The following DGKB variants were observed in gnomAD, a reference collection of about 807,000 sequenced individuals.
DGKB encodes the protein 90 kDa diacylglycerol kinase.
A neutral mutation model predicts 114.3 loss-of-function variants in DGKB; 67 were observed. The observed-to-expected ratio is 0.59, with a 90% CI of 0.48 to 0.72. The LOEUF is 0.72. DGKB is among the 30% of genes least tolerant of loss of function. The probability of loss-of-function intolerance (pLI) is 0.00; values close to 1 mark genes in which losing one functional copy is unlikely to be tolerated. For synonymous variants in DGKB, 398 were observed against 323.1 expected (o/e 1.23, Z -2.49); for missense variants, 907 against 975.2 (o/e 0.93, Z 0.93).
intron 20 of DGKB, among the ~76,000 whole-genome samples, chr7:14,485,199 G>T (rs1412637479): frequency 6.6e-6 from 1 of 151,188 alleles, no homozygotes; most frequent in Non-Finnish European, 1.5e-5. Context: ...TACAGTGTCT[G>T]AGGAATGATA....
chr7:14,886,583 T>C (rs1364778208), intron 1 of DGKB, among the ~76,000 whole-genome samples: 1 of 151,900 alleles, frequency 6.6e-6, no homozygotes, highest in Non-Finnish European at 1.5e-5. Context: ...TTTCAGACTA[T>C]CACAAGTCTT....
At chr7:14,401,478 G>T (rs1823088450) in intron 21 of DGKB, among the ~76,000 whole-genome samples, 1 of 151,762 alleles carries the variant, frequency 6.6e-6, no homozygotes, top group South Asian at 2.1e-4. Context: ...TAACTGTGAG[G>T]CTCTATATCC....
intron 13 of DGKB, 85 bp from the exon 14 acceptor site, chr7:14,630,353 C>T: frequency 2.2e-6 from 2 of 907,816 alleles, no homozygotes; most frequent in African/African-American, 1.7e-5. Flanking sequence ...TCATTACATG[C>T]CTGTGAAATA....
At position 14,879,041 on chromosome 7, in the gene DGKB, A is replaced by G. The variant is rs189786489; in HGVS notation, c.-188+23551T>C. On this transcript the variant is annotated intron_variant, in intron 1 of 25. Coordinates refer to ENST00000402815, the MANE Select transcript of DGKB (RefSeq NM_001350709.2). Reference sequence around the variant, plus strand: ...TCAAAAACACATGCTTTTATGTTATAGTAAATTAAATACTCATGGTCTTGT... The same window carrying G: ...TCAAAAACACATGCTTTTATGTTATGGTAAATTAAATACTCATGGTCTTGT... 5.5e-4 allele frequency among the ~76,000 whole-genome samples: 83 copies of G among 152,046 alleles called. 4 individuals are homozygous for G. Among genetic ancestry groups the G allele is most frequent in the African/African-American group, 1.9e-3 (79 of 41,302 alleles).
At chr7:14,879,608 C>G (rs1853905808) in intron 1 of DGKB, among the ~76,000 whole-genome samples, 1 of 152,162 alleles carries the variant, frequency 6.6e-6, no homozygotes. Context: ...TCCCTGTGAT[C>G]TTTAATATTT....
chr7:14,783,636 T>C (rs1485245835), intron 2 of DGKB, among the ~76,000 whole-genome samples: 1 of 152,250 alleles, frequency 6.6e-6, no homozygotes, highest in Non-Finnish European at 1.5e-5. Flanking sequence ...AGAATTATTA[T>C]TGACATTGAC....
intron 4 of DGKB, among the ~76,000 whole-genome samples, chr7:14,747,188 C>CT (rs372925762): frequency 0.086 from 10,641 of 124,102 alleles, 1,546 homozygotes; most frequent in African/African-American, 0.31. Context: ...ACACAAACCT[C>CT]TTTTTTTTTT....
intron 1 of DGKB, among the ~76,000 whole-genome samples, chr7:14,913,638 C>G (rs1454746879): frequency 6.6e-6 from 1 of 151,694 alleles, no homozygotes; most frequent in Non-Finnish European, 1.5e-5. Flanking sequence ...AGGAGGCAAA[C>G]TAAATTGAAA....
At chr7:14,626,592 TAACA>T (rs1486173547) in intron 14 of DGKB, among the ~76,000 whole-genome samples, 22 of 152,208 alleles carry the variant, frequency 1.4e-4, no homozygotes, top group Admixed American at 3.3e-4. Context: ...ACCAACTTAC[TAACA>T]AACTGCAAAG....
intron 2 of DGKB, among the ~76,000 whole-genome samples, chr7:14,837,839 C>G (rs142943941): frequency 1.3e-5 from 2 of 152,166 alleles, no homozygotes; most frequent in African/African-American, 4.8e-5. Context: ...AGGTTCTAAT[C>G]ATGATATTCT....
At chr7:14,259,087 G>C (rs7779584) in intron 23 of DGKB, among the ~76,000 whole-genome samples, 25,039 of 151,968 alleles carry the variant, frequency 0.16, 2,491 homozygotes, top group African/African-American at 0.28. Flanking sequence ...AAAAAGCCTT[G>C]AACACTCATC....
At chr7:14,684,933 G>A (rs1821418262) in intron 10 of DGKB, among the ~76,000 whole-genome samples, 1 of 152,050 alleles carries the variant, frequency 6.6e-6, no homozygotes, top group Non-Finnish European at 1.5e-5. Flanking sequence ...ATGTAAGTAT[G>A]AAAAACTAGT....
chr7:14,394,586 A>G (rs1481707112), intron 21 of DGKB, among the ~76,000 whole-genome samples: 1 of 152,030 alleles, frequency 6.6e-6, no homozygotes, highest in African/African-American at 2.4e-5. Flanking sequence ...TCTAGCTTCA[A>G]CCCATCGAAC....
rs1299980127 is a variant in DGKB, at chr7:14,492,211, C to T, written c.1771-13986G>A. Among the ~76,000 whole-genome samples, 3 of 151,898 alleles carry T rather than the reference C, an allele frequency of 2.0e-5. No individual in the cohort carries two copies. In the East Asian group the frequency reaches 5.8e-4, roughly 29 times the overall value. ...TTGCTTTTATTACCCCAAAACAGGG[C>T]TATAACTAGTCTATTGAGGACTTTC... On this transcript the variant is annotated intron_variant, in intron 20 of 25. Coordinates refer to ENST00000402815, the MANE Select transcript of DGKB (RefSeq NM_001350709.2).
intron 17 of DGKB, among the ~76,000 whole-genome samples, chr7:14,583,618 G>T (rs1370307843): frequency 2.0e-5 from 3 of 152,148 alleles, no homozygotes; most frequent in Non-Finnish European, 2.9e-5. Flanking sequence ...AAATTGATCA[G>T]ACTGCAACTG....
chr7:14,614,914 A>C (rs539935617), intron 15 of DGKB, among the ~76,000 whole-genome samples: 61 of 152,202 alleles, frequency 4.0e-4, no homozygotes, highest in African/African-American at 1.2e-3. Context: ...CCTGAACCAA[A>C]TGTGTGCAAT....
At chr7:14,506,576 AATTC>A in intron 20 of DGKB, among the ~76,000 whole-genome samples, 1 of 152,274 alleles carries the variant, frequency 6.6e-6, no homozygotes, top group Middle Eastern at 3.4e-3. Context: ...TGATTTCATG[AATTC>A]ATTCATTCAT....
At chr7:14,354,224 G>A (rs1213373670) in intron 21 of DGKB, among the ~76,000 whole-genome samples, 2 of 152,164 alleles carry the variant, frequency 1.3e-5, no homozygotes, top group South Asian at 4.1e-4. Flanking sequence ...ATAGCAAAAT[G>A]TAATAAGGTA....
rs921660260 is a variant in DGKB at position 14,636,154 on chromosome 7, T to C, written c.1135-5886A>G. Reference sequence around the variant, plus strand: ...GTACTCACGTTAGGCTAAGATTCAATTGAGTTAAAATTTTACACTGACTGC... The same window carrying C: ...GTACTCACGTTAGGCTAAGATTCAACTGAGTTAAAATTTTACACTGACTGC... On this transcript the variant is annotated intron_variant, in intron 13 of 25. Transcript: ENST00000402815. 1.3e-4 allele frequency among the ~76,000 whole-genome samples: 20 copies of C among 151,808 alleles called. 1 individual carries two copies. The highest frequency in any genetic ancestry group is 3.6e-4 in the African/African-American group (15 of 41,406).
Sources: gnomAD v4.1 joint callset for allele counts (sites outside exome capture counted in the v4.1 genomes callset) on GRCh38, gnomAD v4.1.1 for gene constraint, MANE v1.5 for transcripts, NCBI Gene and HGNC (gene_info 2026-07-23, HGNC 2026-07-21) for gene names.